The following QARS1 variants were observed in gnomAD, a reference collection of about 807,000 sequenced individuals.
QARS1 encodes the protein glutamine--tRNA ligase.
Under a neutral mutation model 106.9 loss-of-function variants are expected in QARS1, and 79 were observed. That is an observed-to-expected ratio of 0.74 (90% CI 0.62 to 0.89). The LOEUF is 0.89. Among genes scored for constraint, QARS1 ranks in the 40% least tolerant of loss-of-function variants. QARS1 has a pLI of 0.00. For missense variants in QARS1, 966 were observed against 997.2 expected (o/e 0.97, Z 0.42); for synonymous variants, 395 against 367.7 (o/e 1.07, Z -0.85).
At position 49,098,351 on chromosome 3, in the gene QARS1, A is replaced by G. The variant is rs1250660970; in HGVS notation, c.2084+2T>C. 4 of 1,614,194 alleles carry G rather than the reference A, an allele frequency of 2.5e-6. No homozygotes were observed. The highest frequency in any genetic ancestry group is 3.4e-6 in the Non-Finnish European group (4 of 1,180,016). On this transcript the variant is annotated splice_donor_variant, in intron 21 of 23. Coordinates refer to ENST00000306125, the MANE Select transcript of QARS1 (RefSeq NM_005051.3). LOFTEE classifies it high-confidence loss of function. ...GCCCCCACCCCAGCTCTGTTCACTC[A>G]CAGTCGCTCATAGAGGCGAACCTCA...
At chr3:49,104,259 G>A (rs2042508999) in intron 2 of QARS1, 65 bp downstream of exon 2, 1 of 1,591,592 alleles carries the variant, frequency 6.3e-7, no homozygotes, top group Non-Finnish European at 8.6e-7. Flanking sequence ...GGCAAAAAGG[G>A]AAGACAGGGG....
chr3:49,096,084 AG>A lies in QARS1; in HGVS notation c.2278-6del. 6.2e-7 allele frequency: 1 copy of A among 1,613,568 alleles called. No homozygotes were observed. The highest frequency in any genetic ancestry group is 8.5e-7 in the Non-Finnish European group (1 of 1,179,820). On this transcript the variant is annotated splice_region_variant and splice_polypyrimidine_tract_variant and intron_variant, in intron 23 of 23. Coordinates refer to ENST00000306125, the MANE Select transcript of QARS1 (RefSeq NM_005051.3). The stretch of plus-strand genomic sequence containing the variant: ...GACAGTTCGGTTAAAGACAAGCTGG[AG>A]GGCAGAGGGAAAAGGATGACCACCA...
intron 23 of QARS1, 82 bp downstream of exon 23, chr3:49,097,910 G>T (rs746924418): frequency 1.9e-6 from 3 of 1,563,452 alleles, no homozygotes; most frequent in Non-Finnish European, 2.6e-6. Flanking sequence ...TTAACTAAGG[G>T]AATGTATGCA....
At chr3:49,096,265 AG>A (rs2107088396) in intron 23 of QARS1, among the ~76,000 whole-genome samples, 186 bp from the exon 24 acceptor site, 1 of 152,342 alleles carries the variant, frequency 6.6e-6, no homozygotes, top group Admixed American at 6.5e-5. Flanking sequence ...ATGGGGCTCT[AG>A]GCTATAGTAT....
chr3:49,096,191 C>A, intron 23 of QARS1, 112 bp from the exon 24 acceptor site: 2 of 1,170,594 alleles, frequency 1.7e-6, no homozygotes. Context: ...CCAAAGAAGC[C>A]GAGGGACTAA....
At chr3:49,101,465 G>GA in intron 9 of QARS1, 24 bp from the exon 10 acceptor site, 1 of 1,598,104 alleles carries the variant, frequency 6.3e-7, no homozygotes. Context: ...GATGGGAAAA[G>GA]AGAAATAAAG....
Position 49,098,332 on chromosome 3 carries a change from AC to A in QARS1, c.2084+20del, listed in dbSNP as rs1559966023. On this transcript the variant is annotated intron_variant, in intron 21 of 23. Transcript: ENST00000306125. ...CAATGTGCATCTTGTACCTGCCCCCACCCCAGCTCTGTTCACTCACAGTCGC... is the reference window on the plus strand; with the variant it reads ...CAATGTGCATCTTGTACCTGCCCCCACCCAGCTCTGTTCACTCACAGTCGC... The A allele has an allele frequency of 9.9e-6, 16 of 1,614,104 alleles. No homozygotes were observed. Among genetic ancestry groups the A allele is most frequent in the Non-Finnish European group, 1.4e-5 (16 of 1,179,996 alleles).
In QARS1 at chr3:49,102,107, T is replaced by C. The variant is rs1466245724; in HGVS notation, c.631+98A>G. On this transcript the variant is annotated intron_variant, in intron 7 of 23. Coordinates refer to ENST00000306125, the MANE Select transcript of QARS1 (RefSeq NM_005051.3). ...AGTCTTGAGACAGAAGTCAGGGTAC[T>C]GAGTAAGCCAAGGGCCTGAGGAGCC... is the stretch of plus-strand genomic sequence containing the variant. 8.0e-6 allele frequency: 12 copies of C among 1,500,988 alleles called. No individual in the cohort carries two copies. The Admixed American group carries it at 1.7e-4, about 22-fold the overall frequency. 93.0% of individuals were successfully genotyped at this position (1,500,988 alleles called of 1,614,324 possible).
chr3:49,104,151 G>A (rs1418707649), intron 2 of QARS1, 173 bp downstream of exon 2: 13 of 1,167,712 alleles, frequency 1.1e-5, no homozygotes, highest in South Asian at 9.9e-5. Context: ...TCCCCCCTCA[G>A]ACCCTGACAG....
rs148882908 is a variant in QARS1 at position 49,098,961 on chromosome 3, G to A, written c.1787C>T (p.Pro596Leu). Residue 596 changes from proline to leucine, a missense_variant, in exon 19 of 24, where the codon CCA becomes CTA. Physicochemically the swap from Pro to Leu is moderately conservative, Grantham distance 98. Transcript: ENST00000306125. ...KSLDIQVPNFPADETKGFHQV... is the reference protein window; with the variant it reads ...KSLDIQVPNFLADETKGFHQV... ...ATGGAAGCCTTTGGTCTCATCAGCT[G>A]GGAAGTTGGGCACCTGGATGTCCAA... 7 of 1,613,950 alleles carry A rather than the reference G, an allele frequency of 4.3e-6. No homozygotes were observed. Among genetic ancestry groups the A allele is most frequent in the Non-Finnish European group, 5.9e-6 (7 of 1,179,966 alleles).
chr3:49,103,729 G>A (rs1436814690), intron 3 of QARS1, 23 bp from the exon 4 acceptor site: 1 of 1,612,166 alleles, frequency 6.2e-7, no homozygotes, highest in Non-Finnish European at 8.5e-7. Flanking sequence ...AAACCATGTG[G>A]TTCAGGAAAG....
rs1256807971 is a variant in QARS1, at chr3:49,096,042, G to A, written c.2315C>T (p.Pro772Leu). ...FNRTVTLKED[P>L]GKV ...AGTGCTTCCAGCTCACACCTTTCCT[G>A]GGTCTTCCTTCAGTGTGACAGTTCG... is the stretch of plus-strand genomic sequence containing the variant. Residue 772 changes from proline (P) to leucine (L), a missense_variant, in exon 24 of 24, where the codon CCA becomes CTA. Coordinates refer to ENST00000306125, the MANE Select transcript of QARS1 (RefSeq NM_005051.3). The A allele has an allele frequency of 2.5e-6, 4 of 1,613,914 alleles. No homozygotes were observed. The highest frequency in any genetic ancestry group is 3.4e-6 in the Non-Finnish European group (4 of 1,179,950).
intron 19 of QARS1, 30 bp downstream of exon 19, chr3:49,098,855 C>A (rs199846225): frequency 6.3e-7 from 1 of 1,579,656 alleles, no homozygotes; most frequent in Non-Finnish European, 8.7e-7. Context: ...GACTCAGCAG[C>A]AAACGGGACC....
rs750619032 is a variant in QARS1, at chr3:49,098,391, T to G, written c.2046A>C (p.Ser682=). 14 of 1,614,208 alleles carry G rather than the reference T, an allele frequency of 8.7e-6. No individual in the cohort carries two copies. The highest frequency in any genetic ancestry group is 1.2e-5 in the Non-Finnish European group (14 of 1,180,038). Residue 682 remains serine (S), a synonymous_variant, in exon 21 of 24, where the codon TCA becomes TCC. Transcript: ENST00000306125. ...EKPKAFIHWV[S]QPLMCEVRLY... Reference sequence around the variant, plus strand: ...GGCGAACCTCACACATCAAAGGCTGTGACACCCAGTGAATAAAGGCCTTTG... The same window carrying G: ...GGCGAACCTCACACATCAAAGGCTGGGACACCCAGTGAATAAAGGCCTTTG...
At chr3:49,103,468 T>C (rs1390582061) in intron 4 of QARS1, 59 bp from the exon 5 acceptor site, 7 of 1,605,188 alleles carry the variant, frequency 4.4e-6, no homozygotes, top group African/African-American at 1.3e-5. Context: ...CCCCCACCTC[T>C]TTCCCAAGGA....
At position 49,099,119 on chromosome 3, in the gene QARS1, A is replaced by G; in HGVS notation, c.1749T>C (p.Pro583=). Residue 583 remains proline, a synonymous_variant, in exon 18 of 24, where the codon CCT becomes CCC. Coordinates refer to ENST00000306125, the MANE Select transcript of QARS1 (RefSeq NM_005051.3). ...GTTGAGGCAGGCCCACCTTGGCAGCAGGAAAGTTGGTGATGATGACCCGTA... is the reference window on the plus strand; with the variant it reads ...GTTGAGGCAGGCCCACCTTGGCAGCGGGAAAGTTGGTGATGATGACCCGTA... ...ESLRVIITNF[P]AAKSLDIQVP... 1.9e-6 allele frequency: 3 copies of G among 1,614,198 alleles called. No individual in the cohort carries two copies. Among genetic ancestry groups the G allele is most frequent in the Non-Finnish European group, 2.5e-6 (3 of 1,180,030 alleles).
In QARS1 at chr3:49,104,146, C is replaced by T. The variant is rs541934688; in HGVS notation, c.266-174G>A. The stretch of plus-strand genomic sequence containing the variant: ...AAGCACGTGTCGAGAGTGGATCCCC[C>T]CTCAGACCCTGACAGTTCCCGTGTC... On this transcript the variant is annotated intron_variant, in intron 2 of 23. Transcript: ENST00000306125. 2.6e-6 allele frequency: 3 copies of T among 1,160,694 alleles called. No homozygotes were observed. The Admixed American group carries it at 5.2e-5, about 20-fold the overall frequency. The allele number at this position is 1,160,694 out of a possible 1,614,324, so 71.9% of individuals were successfully genotyped here.
chr3:49,097,010 G>C (rs74431571), intron 23 of QARS1: 1 of 149,130 alleles, frequency 6.7e-6, no homozygotes, highest in Non-Finnish European at 1.5e-5. Context: ...AAAAAAAAAG[G>C]ATGGCAGGGT....
intron 22 of QARS1, 36 bp downstream of exon 22, chr3:49,098,155 AG>A (rs774769638): frequency 6.2e-7 from 1 of 1,614,146 alleles, no homozygotes; most frequent in Non-Finnish European, 8.5e-7. Flanking sequence ...CCAACCAGGG[AG>A]GCCTACCTCC....
Sources: gnomAD v4.1 joint callset for allele counts (sites outside exome capture counted in the v4.1 genomes callset) on GRCh38, gnomAD v4.1.1 for gene constraint, MANE v1.5 for transcripts, NCBI Gene and HGNC (gene_info 2026-07-23, HGNC 2026-07-21) for gene names.